RAB5C: variants seen among roughly 807,000 people sequenced by gnomAD.
RAB5C encodes RAB5C, member RAS oncogene family.
In RAB5C, 4 loss-of-function variants were observed where a neutral mutation model predicts 25.2. That is an observed-to-expected ratio of 0.16 (90% CI 0.08 to 0.36). The LOEUF (loss-of-function observed/expected upper bound fraction) is 0.36, where lower values mean the gene tolerates loss of function less well. Among genes scored for constraint, RAB5C ranks in the 10% least tolerant of loss-of-function variants. RAB5C has a pLI of 1.00. For missense variants in RAB5C, 199 were observed against 283.8 expected, an observed-to-expected ratio of 0.70 and a Z score of 2.15; for synonymous variants, 100 against 106.4, an observed-to-expected ratio of 0.94 and a Z score of 0.37.
rs1025902687 is a variant in RAB5C, at chr17:42,131,720, G to A, written c.-88-1130C>T. On this transcript the variant is annotated intron_variant, in intron 1 of 5. Coordinates refer to ENST00000346213, the MANE Select transcript of RAB5C (RefSeq NM_004583.4). ...CCCCAACAGCTGGTGTTCCAGTCCC[G>A]ACATCTGAATCACTTGGTTAGTGAC... is the stretch of plus-strand genomic sequence containing the variant. The A allele has an allele frequency of 3.9e-5, 42 of 1,074,508 alleles. No individual in the cohort carries two copies. In the African/African-American group the frequency reaches 4.4e-4, roughly 11 times the overall value. The allele number at this position is 1,074,508 out of a possible 1,614,324, so 66.6% of individuals were successfully genotyped here. A position where few individuals can be genotyped will look rare whatever the true frequency, so the allele number is the denominator to read the frequency against.
intron 1 of RAB5C, among the ~76,000 whole-genome samples, chr17:42,141,311 A>T (rs2079602154): frequency 6.6e-6 from 1 of 152,216 alleles, no homozygotes; most frequent in South Asian, 2.1e-4. Flanking sequence ...GTTGTGAGAG[A>T]GAAAGCAAGA....
intron 1 of RAB5C, among the ~76,000 whole-genome samples, chr17:42,144,621 G>A (rs2079621192): frequency 6.6e-6 from 1 of 151,610 alleles, no homozygotes; most frequent in African/African-American, 2.4e-5. Flanking sequence ...AGACCATCCT[G>A]GCTAACATGG....
At chr17:42,151,601 CAG>C (rs1187564218) in intron 1 of RAB5C, among the ~76,000 whole-genome samples, 1 of 151,076 alleles carries the variant, frequency 6.6e-6, no homozygotes, top group Non-Finnish European at 1.5e-5. Context: ...ACAGGAGAAA[CAG>C]AGGACTAACC....
Position 42,126,650 on chromosome 17 carries a change from A to AAG in RAB5C, c.535+104_535+105insCT, listed in dbSNP as rs1555668759. ...CCATCTCAAAAAAAAAAAAAAAAAAAAAAAAAAAGAGTGGTGAAGGGACCC... is the reference window on the plus strand; with the variant it reads ...CCATCTCAAAAAAAAAAAAAAAAAAAAGAAAAAAAAGAGTGGTGAAGGGACCC... On this transcript the variant is annotated intron_variant, in intron 5 of 5. Coordinates refer to ENST00000346213, the MANE Select transcript of RAB5C (RefSeq NM_004583.4). 6.5e-5 allele frequency: 30 copies of AAG among 463,772 alleles called. No homozygotes were observed. In the Admixed American group the frequency reaches 9.2e-4, roughly 14 times the overall value. 28.7% of individuals were successfully genotyped at this position (463,772 alleles called of 1,614,324 possible).
intron 2 of RAB5C, 167 bp downstream of exon 2, chr17:42,130,168 ATG>A: frequency 1.1e-6 from 1 of 887,774 alleles, no homozygotes; most frequent in Non-Finnish European, 1.7e-6. Flanking sequence ...GGACTCTGGC[ATG>A]GAGACCAGTT....
At chr17:42,126,586 C>G (rs1421185362) in intron 5 of RAB5C, 169 bp downstream of exon 5, 1 of 358,972 alleles carries the variant, frequency 2.8e-6, no homozygotes, top group Non-Finnish European at 4.9e-6. Context: ...GAGTCGAGAT[C>G]GTGCCACTGA....
At chr17:42,153,071 A>G (rs1279480904) in intron 1 of RAB5C, among the ~76,000 whole-genome samples, 1 of 152,214 alleles carries the variant, frequency 6.6e-6, no homozygotes, top group Non-Finnish European at 1.5e-5. Flanking sequence ...AGAGCCTGTG[A>G]TCCAGCTGTT....
intron 2 of RAB5C, chr17:42,130,064 C>A (rs1035199440): frequency 2.5e-5 from 10 of 394,484 alleles, no homozygotes; most frequent in Non-Finnish European, 3.6e-5. Context: ...AGTGAAAGGG[C>A]CTCAGCCAAG....
At chr17:42,126,915 G>T in intron 4 of RAB5C, 67 bp from the exon 5 acceptor site, 1 of 1,023,500 alleles carries the variant, frequency 9.8e-7, no homozygotes, top group Non-Finnish European at 1.5e-6. Flanking sequence ...CCAGGGCCCA[G>T]GATACAAACC....
chr17:42,133,065 T>C (rs2054502299), intron 1 of RAB5C, among the ~76,000 whole-genome samples: 1 of 152,214 alleles, frequency 6.6e-6, no homozygotes. Flanking sequence ...GGTCTAGCTC[T>C]AGCTGGCTCT....
chr17:42,135,260 ATTT>A (rs544805007), intron 1 of RAB5C, among the ~76,000 whole-genome samples: 1 of 134,138 alleles, frequency 7.5e-6, no homozygotes, highest in African/African-American at 2.7e-5. Context: ...GCCACCTGTA[ATTT>A]TTTTTTTTTT....
intron 1 of RAB5C, among the ~76,000 whole-genome samples, chr17:42,136,952 G>A (rs995380562): frequency 1.3e-5 from 2 of 152,188 alleles, no homozygotes; most frequent in East Asian, 1.9e-4. Flanking sequence ...GACCTTCTAT[G>A]CATGTTTTTA....
intron 1 of RAB5C, among the ~76,000 whole-genome samples, chr17:42,132,775 C>T (rs1205619393): frequency 6.6e-6 from 1 of 152,030 alleles, no homozygotes; most frequent in Non-Finnish European, 1.5e-5. Flanking sequence ...CTCAAGCAAC[C>T]CTCCCGCCTC....
intron 1 of RAB5C, among the ~76,000 whole-genome samples, chr17:42,153,863 G>A (rs997375378): frequency 1.3e-5 from 2 of 152,192 alleles, no homozygotes; most frequent in African/African-American, 4.8e-5. Flanking sequence ...ATCCAGAACT[G>A]CCATTGTGAT....
At chr17:42,129,044 C>T (rs1042881603) in intron 2 of RAB5C, among the ~76,000 whole-genome samples, 2 of 152,044 alleles carry the variant, frequency 1.3e-5, no homozygotes, top group African/African-American at 4.8e-5. Flanking sequence ...GGAGAAGGGA[C>T]TCCTGCATGC....
intron 1 of RAB5C, among the ~76,000 whole-genome samples, chr17:42,148,066 C>T (rs192359305): frequency 6.6e-6 from 1 of 151,428 alleles, no homozygotes; most frequent in East Asian, 1.9e-4. Flanking sequence ...CCATTGCACT[C>T]TAGCCTGGGC....
intron 4 of RAB5C, 104 bp from the exon 5 acceptor site, chr17:42,126,952 T>C (rs1474079927): frequency 4.4e-6 from 3 of 688,036 alleles, no homozygotes; most frequent in Non-Finnish European, 7.7e-6. Flanking sequence ...CTTATCATAA[T>C]AGAGATCAGC....
In RAB5C at chr17:42,130,423, A is replaced by G; in HGVS notation, c.80T>C (p.Leu27Pro). ...GGATTTGCCTACCGCAGACTCCCCC[A>G]GCAGAACCAGCTTAAATTGACAGAT... Reference protein sequence around the residue: ...NKICQFKLVLLGESAVGKSSL... With the variant: ...NKICQFKLVLPGESAVGKSSL... Residue 27 changes from leucine (L) to proline (P), a missense_variant, in exon 2 of 6, where the codon CTG (leucine) becomes CCG (proline). Physicochemically the swap from Leu to Pro is moderately conservative, Grantham distance 98. This residue lies in a region of RAB5C where 24 missense variants were observed against 64.0 expected (regional missense o/e 0.38). Coordinates refer to ENST00000346213, the MANE Select transcript of RAB5C (RefSeq NM_004583.4). 3 of 1,614,172 alleles carry G rather than the reference A, an allele frequency of 1.9e-6. No individual in the cohort carries two copies. Among genetic ancestry groups the G allele is most frequent in the Non-Finnish European group, 1.7e-6 (2 of 1,180,024 alleles).
chr17:42,144,923 C>T (rs2079623776), intron 1 of RAB5C, among the ~76,000 whole-genome samples: 1 of 36,092 alleles, frequency 2.8e-5, no homozygotes, highest in Non-Finnish European at 5.9e-5. Context: ...CAGACTCCGT[C>T]TCAAAAAAAA....
Sources: gnomAD v4.1 joint callset for allele counts (sites outside exome capture counted in the v4.1 genomes callset) on GRCh38, gnomAD v4.1.1 for gene constraint, gnomAD v4.1.1 regional missense constraint, MANE v1.5 for transcripts, NCBI Gene and HGNC (gene_info 2026-07-23, HGNC 2026-07-21) for gene names.